JMJD1C: variants seen among roughly 807,000 people sequenced by gnomAD.
JMJD1C encodes the protein jumonji domain containing 1C.
Under a neutral mutation model 245.3 loss-of-function variants are expected in JMJD1C, and 31 were observed. The observed-to-expected ratio is 0.13, with a 90% CI of 0.09 to 0.17. JMJD1C has a LOEUF of 0.17. Ranked by LOEUF, JMJD1C falls within the 10% of genes least tolerant of loss-of-function variation. The probability of loss-of-function intolerance (pLI) is 1.00; values close to 1 mark genes in which losing one functional copy is unlikely to be tolerated. For synonymous variants in JMJD1C, 1,057 were observed against 1,017.4 expected, an observed-to-expected ratio of 1.04 and a Z score of -0.74; for missense variants, 2,691 against 3,000.2, an observed-to-expected ratio of 0.90 and a Z score of 2.41.
At chr10:63,175,246 G>A (rs1305738746) in intron 24 of JMJD1C, among the ~76,000 whole-genome samples, 1 of 152,016 alleles carries the variant, frequency 6.6e-6, no homozygotes, top group East Asian at 1.9e-4. Context: ...TGGTGTATAG[G>A]GTGAATCCCA....
chr10:63,380,123 T>TTG, intron 2 of JMJD1C, 195 bp downstream of exon 2: 1 of 415,410 alleles, frequency 2.4e-6, no homozygotes. Flanking sequence ...TTTTTTTTTT[T>TTG]GGTAGAGATG....
At chr10:63,470,113 C>T (rs963169972), upstream of JMJD1C, among the ~76,000 whole-genome samples, 3 of 152,084 alleles carry the variant, frequency 2.0e-5, no homozygotes, top group South Asian at 2.1e-4. Flanking sequence ...CTTAGTACTA[C>T]CACAACTGTA....
chr10:63,440,650 G>A (rs1951329260), intron 1 of JMJD1C, among the ~76,000 whole-genome samples: 1 of 152,074 alleles, frequency 6.6e-6, no homozygotes, highest in Admixed American at 6.6e-5. Flanking sequence ...AGACAACTGA[G>A]TCTCAGAAGG....
chr10:63,310,896 C>A (rs767340296), intron 2 of JMJD1C, among the ~76,000 whole-genome samples: 3 of 151,692 alleles, frequency 2.0e-5, no homozygotes, highest in Admixed American at 6.6e-5. Context: ...CAAATAAACC[C>A]GACATTAAGA....
intron 2 of JMJD1C, among the ~76,000 whole-genome samples, chr10:63,284,580 C>T (rs1857758952): frequency 6.6e-6 from 1 of 152,056 alleles, no homozygotes; most frequent in East Asian, 1.9e-4. Flanking sequence ...AAACCAAAAC[C>T]ACAGTCTGAT....
intron 1 of JMJD1C, among the ~76,000 whole-genome samples, chr10:63,444,777 C>G (rs914911819): frequency 1.3e-5 from 2 of 152,140 alleles, no homozygotes; most frequent in African/African-American, 4.8e-5. Flanking sequence ...AGGTGCCCAC[C>G]ACCACGCCCA....
At chr10:63,519,230 G>A (rs1034577566) in intron 1 of JMJD1C, among the ~76,000 whole-genome samples, 1 of 152,154 alleles carries the variant, frequency 6.6e-6, no homozygotes, top group Non-Finnish European at 1.5e-5. Flanking sequence ...GCAGTCTAGG[G>A]ACATTTCAGA....
At chr10:63,216,447 A>C (rs1847987058) in intron 5 of JMJD1C, among the ~76,000 whole-genome samples, 1 of 152,104 alleles carries the variant, frequency 6.6e-6, no homozygotes, top group Non-Finnish European at 1.5e-5. Flanking sequence ...GCGGTGGCTC[A>C]CGTCTGTAAT....
intron 1 of JMJD1C, among the ~76,000 whole-genome samples, chr10:63,453,248 C>T (rs1179211896): frequency 6.6e-6 from 1 of 152,152 alleles, no homozygotes; most frequent in Non-Finnish European, 1.5e-5. Flanking sequence ...GCACTCCAGC[C>T]TGGGTGACAG....
intron 1 of JMJD1C, among the ~76,000 whole-genome samples, chr10:63,449,903 G>A (rs1280113758): frequency 2.0e-5 from 3 of 151,984 alleles, no homozygotes; most frequent in East Asian, 3.9e-4. Flanking sequence ...ATCACTTGAG[G>A]CCAGTTTGAG....
chr10:63,510,771 T>C (rs952764040), intron 1 of JMJD1C, among the ~76,000 whole-genome samples: 1 of 152,232 alleles, frequency 6.6e-6, no homozygotes, highest in Non-Finnish European at 1.5e-5. Context: ...GAGTTGTCAA[T>C]TTCTGATACA....
At chr10:63,376,332 A>G (rs1946739861) in intron 2 of JMJD1C, among the ~76,000 whole-genome samples, 1 of 152,216 alleles carries the variant, frequency 6.6e-6, no homozygotes, top group South Asian at 2.1e-4. Context: ...TTAGAAGAAA[A>G]CATAAGGGGA....
Position 63,185,667 on chromosome 10 carries a change from AGTT to A in JMJD1C, c.6740-17_6740-15del. ...TTTTCTGCCGTTCTATAAGGAATGC[AGTT>A]AATTACTAAAAGGGTAATTTCTGCC... On this transcript the variant is annotated splice_polypyrimidine_tract_variant and intron_variant, in intron 19 of 25. Transcript: ENST00000399262. 1 of 1,427,432 alleles carries A rather than the reference AGTT, an allele frequency of 7.0e-7. No individual in the cohort carries two copies. Among genetic ancestry groups the A allele is most frequent in the Non-Finnish European group, 9.9e-7 (1 of 1,014,910 alleles). The allele number at this position is 1,427,432 out of a possible 1,614,324, so 88.4% of individuals were successfully genotyped here.
In JMJD1C at chr10:63,454,956, AG is replaced by A. The variant is rs562580071; in HGVS notation, c.168+10538del. ...AAATACTTCATAAGTTGAATTGTGT[AG>A]TTCCTGTTGTATTGTATCGCAACAC... On this transcript the variant is annotated intron_variant, in intron 1 of 25. Coordinates refer to ENST00000399262, the MANE Select transcript of JMJD1C (RefSeq NM_032776.3). 3.3e-3 allele frequency among the ~76,000 whole-genome samples: 496 copies of A among 152,306 alleles called. 2 individuals are homozygous for A. The highest frequency in any genetic ancestry group is 0.012 in the African/African-American group (481 of 41,568).
chr10:63,174,684 T>C (rs963678242), intron 24 of JMJD1C, among the ~76,000 whole-genome samples: 3 of 151,554 alleles, frequency 2.0e-5, no homozygotes, highest in Non-Finnish European at 2.9e-5. Context: ...AAATACAAAA[T>C]TAGACAGGCG....
At chr10:63,423,865 C>T (rs1011166015) in intron 1 of JMJD1C, among the ~76,000 whole-genome samples, 1 of 152,182 alleles carries the variant, frequency 6.6e-6, no homozygotes, top group African/African-American at 2.4e-5. Context: ...GTTTGAATCT[C>T]ACAGTGGTTT....
chr10:63,254,092 G>T (rs1853496898), intron 3 of JMJD1C, among the ~76,000 whole-genome samples: 1 of 152,034 alleles, frequency 6.6e-6, no homozygotes, highest in Non-Finnish European at 1.5e-5. Context: ...AACTGTTTTG[G>T]CAAGAGACTG....
chr10:63,274,717 T>G (rs1856625104), intron 2 of JMJD1C, among the ~76,000 whole-genome samples: 1 of 152,150 alleles, frequency 6.6e-6, no homozygotes, highest in African/African-American at 2.4e-5. Context: ...TTTTTAACTC[T>G]CCTATCTCCA....
intron 1 of JMJD1C, among the ~76,000 whole-genome samples, chr10:63,483,510 A>T (rs1953892108): frequency 6.6e-6 from 1 of 152,244 alleles, no homozygotes; most frequent in Non-Finnish European, 1.5e-5. Context: ...CCTCCATGTG[A>T]CAACCAAATG....
Sources: gnomAD v4.1 joint callset for allele counts (sites outside exome capture counted in the v4.1 genomes callset) on GRCh38, gnomAD v4.1.1 for gene constraint, MANE v1.5 for transcripts, NCBI Gene and HGNC (gene_info 2026-07-23, HGNC 2026-07-21) for gene names.